RP1L1: variants seen among roughly 807,000 people sequenced by gnomAD.
The protein encoded by RP1L1 is RP1 like 1.
RP1L1 carries 27 observed loss-of-function variants against 15.7 expected under a neutral mutation model. The observed-to-expected ratio is 1.72, with a 90% confidence interval of 1.27 to 2.38. The LOEUF is 2.38. RP1L1 is among the 30% of genes most tolerant of loss of function. The pLI, the probability that RP1L1 is intolerant of heterozygous loss-of-function variation, is 0.00. For synonymous variants in RP1L1, 1,813 were observed against 1,276.7 expected (o/e 1.42, Z -8.96); for missense variants, 4,798 against 3,075.9 (o/e 1.56, Z -13.24).
At chr8:10,652,332 A>C (rs543731703) in intron 1 of RP1L1, among the ~76,000 whole-genome samples, 2 of 151,658 alleles carry the variant, frequency 1.3e-5, no homozygotes, top group East Asian at 3.9e-4. Flanking sequence ...GCTAACAGTA[A>C]GGCTGACAAT....
At chr8:10,617,618 G>A (rs1379975323) in intron 2 of RP1L1, among the ~76,000 whole-genome samples, 2 of 133,660 alleles carry the variant, frequency 1.5e-5, no homozygotes, top group East Asian at 2.4e-4. Flanking sequence ...GTGCAGTGGC[G>A]CGATCTGGGC....
chr8:10,649,002 T>C (rs1286418743), intron 1 of RP1L1, among the ~76,000 whole-genome samples: 2 of 152,066 alleles, frequency 1.3e-5, no homozygotes, highest in African/African-American at 4.8e-5. Context: ...GTGTAGGCCC[T>C]CGCCTCCCAG....
At position 10,611,620 on chromosome 8, in the gene RP1L1, G is replaced by A. The variant is rs1390125280; in HGVS notation, c.2478C>T (p.Cys826=). Residue 826 remains cysteine, a synonymous_variant, in exon 4 of 4, where the codon TGC becomes TGT. Coordinates refer to ENST00000382483, the MANE Select transcript of RP1L1 (RefSeq NM_178857.6). ...GGGCCGGCTGCGTCCCAGGCTGTGA[G>A]CAGCAGTGGCTTCGGTGGGGGCCCA... ...GAVGPHRSHC[C]SQPGTQPAQE... 4 of 1,612,750 alleles carry A rather than the reference G, an allele frequency of 2.5e-6. No individual in the cohort carries two copies. The highest frequency in any genetic ancestry group is 1.3e-5 in the African/African-American group (1 of 74,948).
In RP1L1 at chr8:10,610,937, G is replaced by T. The variant is rs770376489; in HGVS notation, c.3161C>A (p.Ala1054Asp). 6.2e-7 allele frequency: 1 copy of T among 1,611,490 alleles called. No homozygotes were observed. Among genetic ancestry groups the T allele is most frequent in the Non-Finnish European group, 8.5e-7 (1 of 1,179,490 alleles). Residue 1054 changes from alanine to aspartate, a missense_variant, in exon 4 of 4, where the codon GCC becomes GAC. Physicochemically the swap from Ala to Asp is moderately radical, Grantham distance 126 (BLOSUM62 -2). Coordinates refer to ENST00000382483, the MANE Select transcript of RP1L1 (RefSeq NM_178857.6). ...TCTGTCTGCTCCGGCCTCTGCAGGG[G>T]CCTCGGAAACTCCCTCTGGAGCTGC... ...QGAAPEGVSE[A>D]PAEAGADREA...
In RP1L1 at chr8:10,608,471, G is replaced by T; in HGVS notation, c.5627C>A (p.Ala1876Asp). The change falls in exon 4 of 4, where the codon GCC (alanine) becomes GAC (aspartate). Residue 1876 changes from alanine (A) to aspartate (D), a missense_variant. Coordinates refer to ENST00000382483, the MANE Select transcript of RP1L1 (RefSeq NM_178857.6). ...EAQPESEDVEAPEAEGEAQPE... is the reference protein window; with the variant it reads ...EAQPESEDVEDPEAEGEAQPE... ...CTGGGCCTCTCCTTCTGCCTCTGGG[G>T]CCTCTACATCTTCTGACTCTGGCTG... is the stretch of plus-strand genomic sequence containing the variant. 6.2e-7 allele frequency: 1 copy of T among 1,603,894 alleles called. No homozygotes were observed. Among genetic ancestry groups the T allele is most frequent in the Admixed American group, 1.7e-5 (1 of 59,580 alleles).
chr8:10,621,637 A>G (rs1203315083), intron 2 of RP1L1: 2 of 450,980 alleles, frequency 4.4e-6, no homozygotes, highest in Non-Finnish European at 9.0e-6. Context: ...TATGATATTT[A>G]TGAAGTATTG....
chr8:10,613,392 C>T, intron 3 of RP1L1, 46 bp from the exon 4 acceptor site: 2 of 1,598,112 alleles, frequency 1.3e-6, no homozygotes, highest in Non-Finnish European at 1.7e-6. Flanking sequence ...AGACTGTGAG[C>T]CATGGGGGCA....
rs527932965 is a variant in RP1L1 at position 10,608,521 on chromosome 8, A to T, written c.5577T>A (p.Asp1859Glu). 1 of 1,431,544 alleles carries T rather than the reference A, an allele frequency of 7.0e-7. No homozygotes were observed. The highest frequency in any genetic ancestry group is 1.2e-5 in the South Asian group (1 of 81,392). The allele number at this position is 1,431,544 out of a possible 1,614,324, so 88.7% of individuals were successfully genotyped here. Residue 1859 changes from aspartate to glutamate, a missense_variant, in exon 4 of 4, where the codon GAT becomes GAA. Transcript: ENST00000382483. ...GGGCCTCCCCTTCAGCCTCCTGGGC[A>T]TCCCCTTCTGCCTCTGGGGCCTCTA... Reference protein sequence around the residue: ...EGVEAPEAEGDAQEAEGEAQP... With the variant: ...EGVEAPEAEGEAQEAEGEAQP...
At position 10,612,709 on chromosome 8, in the gene RP1L1, C is replaced by G. The variant is rs1797888864; in HGVS notation, c.1389G>C (p.Glu463Asp). The G allele has an allele frequency of 1.2e-6, 2 of 1,604,922 alleles. No individual in the cohort carries two copies. The highest frequency in any genetic ancestry group is 3.3e-5 in the Admixed American group (2 of 59,980). Residue 463 changes from glutamate to aspartate, a missense_variant, in exon 4 of 4, where the codon GAG becomes GAC. Glu to Asp is a conservative substitution (Grantham distance 45). Coordinates refer to ENST00000382483, the MANE Select transcript of RP1L1 (RefSeq NM_178857.6). ...ASPASSTGLP[E>D]GSEPESSCCP... ...AGCAGGAGGACTCTGGCTCCGAGCC[C>G]TCGGGGAGGCCGGTGCTGGAGGCTG... is the stretch of plus-strand genomic sequence containing the variant.
At position 10,636,045 on chromosome 8, in the gene RP1L1, A is replaced by T. The variant is rs561599699; in HGVS notation, c.-19-12825T>A. ...CCATCATTCAACAGCTCTGCTGACC[A>T]CCTGCCTTCTGCAACATGCTAAAAT... On this transcript the variant is annotated intron_variant, in intron 1 of 3. Transcript: ENST00000382483. Among the ~76,000 whole-genome samples, 5 of 152,328 alleles carry T rather than the reference A, an allele frequency of 3.3e-5. 1 individual carries two copies. The Middle Eastern group carries it at 0.014, about 414-fold the overall frequency.
At chr8:10,645,773 C>A (rs1798467863) in intron 1 of RP1L1, among the ~76,000 whole-genome samples, 1 of 152,130 alleles carries the variant, frequency 6.6e-6, no homozygotes, top group African/African-American at 2.4e-5. Flanking sequence ...CGAGTCCAGC[C>A]CCCCAGAGTC....
intron 1 of RP1L1, among the ~76,000 whole-genome samples, chr8:10,631,327 A>ACACACGCG (rs1488768704): frequency 1.7e-5 from 1 of 58,066 alleles, no homozygotes; most frequent in Non-Finnish European, 4.9e-5. Context: ...ACACACGCAC[A>ACACACGCG]CACACATGCA....
chr8:10,651,905 T>G (rs1798568603), intron 1 of RP1L1, among the ~76,000 whole-genome samples: 1 of 152,182 alleles, frequency 6.6e-6, no homozygotes, highest in Non-Finnish European at 1.5e-5. Context: ...GAGATGATCA[T>G]GGCGCTGCAT....
intron 1 of RP1L1, among the ~76,000 whole-genome samples, chr8:10,634,534 G>C (rs1022928030): frequency 7.2e-5 from 11 of 152,186 alleles, no homozygotes; most frequent in Admixed American, 4.6e-4. Flanking sequence ...TGTGTGGAGA[G>C]AAATGGGTTT....
At chr8:10,644,619 C>G (rs34369721) in intron 1 of RP1L1, among the ~76,000 whole-genome samples, 209 of 152,296 alleles carry the variant, frequency 1.4e-3, no homozygotes, top group Admixed American at 2.0e-3. Context: ...GCTCTTTAGT[C>G]CTTTTCCATC....
chr8:10,622,559 C>T, intron 2 of RP1L1, 34 bp downstream of exon 2: 2 of 1,613,916 alleles, frequency 1.2e-6, no homozygotes, highest in South Asian at 1.1e-5. Flanking sequence ...TCTAAAGAAC[C>T]TTTTCAAGGA....
chr8:10,643,163 C>T (rs62492304), intron 1 of RP1L1, among the ~76,000 whole-genome samples: 72,527 of 151,944 alleles, frequency 0.48, 20,904 homozygotes, highest in East Asian at 0.86. Context: ...CATGGCAAGA[C>T]GCTGTCTCTA....
At chr8:10,640,921 C>T (rs1159346031) in intron 1 of RP1L1, among the ~76,000 whole-genome samples, 1 of 152,034 alleles carries the variant, frequency 6.6e-6, no homozygotes, top group Non-Finnish European at 1.5e-5. Flanking sequence ...TAGGTGCACG[C>T]CACCATGCCT....
chr8:10,633,357 C>A (rs966717813), intron 1 of RP1L1, among the ~76,000 whole-genome samples: 1 of 152,194 alleles, frequency 6.6e-6, no homozygotes, highest in Admixed American at 6.5e-5. Context: ...GACAAGGCAA[C>A]CCAGAAAGGC....
Sources: allele counts gnomAD v4.1 joint callset (sites outside exome capture counted in the v4.1 genomes callset), GRCh38; gene constraint gnomAD v4.1.1; transcripts MANE v1.5; gene names NCBI Gene and HGNC (gene_info 2026-07-23, HGNC 2026-07-21).